SV2C: variants seen among roughly 807,000 people sequenced by gnomAD.
SV2C encodes solute carrier family 22 member B3.
In SV2C, 49 loss-of-function variants were observed where a neutral mutation model predicts 79.7. The observed-to-expected ratio is 0.61, with a 90% CI of 0.49 to 0.78. The LOEUF is 0.78. SV2C is among the 30% of genes least tolerant of loss of function. The pLI, the probability that SV2C is intolerant of heterozygous loss-of-function variation, is 0.00. For missense variants in SV2C, 833 were observed against 912.9 expected (o/e 0.91, Z 1.13); for synonymous variants, 334 against 333.2 (o/e 1.00, Z -0.03).
chr5:76,175,892 C>A (rs1553325), intron 2 of SV2C, among the ~76,000 whole-genome samples: 1 of 151,842 alleles, frequency 6.6e-6, no homozygotes, highest in South Asian at 2.1e-4. Context: ...TGACAGCCCC[C>A]ACTGCACTCT....
At chr5:76,301,325 G>C (rs918949026) in intron 11 of SV2C, 61 bp from the exon 12 acceptor site, 1 of 1,596,566 alleles carries the variant, frequency 6.3e-7, no homozygotes, top group Non-Finnish European at 8.5e-7. Flanking sequence ...AAGGACCCAA[G>C]GGTTCTTGCT....
the SV2C span, among the ~76,000 whole-genome samples, chr5:75,906,414 C>T: frequency 1.3e-5 from 2 of 150,024 alleles, no homozygotes; most frequent in Admixed American, 6.6e-5. Flanking sequence ...CAAGGATGGG[C>T]AGGAGGTTTT....
the SV2C span, among the ~76,000 whole-genome samples, chr5:75,864,563 G>C: frequency 6.6e-6 from 1 of 152,104 alleles, no homozygotes; most frequent in Non-Finnish European, 1.5e-5. Context: ...AGGACATCTG[G>C]GTAGATGTCC....
chr5:76,085,009 C>T (rs1747132965), intron 1 of SV2C, among the ~76,000 whole-genome samples: 1 of 152,222 alleles, frequency 6.6e-6, no homozygotes, highest in South Asian at 2.1e-4. Flanking sequence ...GAGATGAGAC[C>T]GGGATGCCGT....
At chr5:76,065,039 G>A in the SV2C span, among the ~76,000 whole-genome samples, 1 of 152,106 alleles carries the variant, frequency 6.6e-6, no homozygotes, top group Non-Finnish European at 1.5e-5. Context: ...GTTGTTGATA[G>A]GCTTATTTAA....
rs374122953 is a variant in SV2C at position 76,215,089 on chromosome 5, G to A, written c.913+5202G>A. On this transcript the variant is annotated intron_variant, in intron 4 of 12. Transcript: ENST00000502798. ...TGACAAGAGTCTTCCTAGTCTTAGA[G>A]GGAAAGCTTTTAGATTTTCACCATC... Among the ~76,000 whole-genome samples the A allele has an allele frequency of 7.0e-4, 107 of 152,276 alleles. 2 individuals carry two copies. The South Asian group carries it at 0.021, about 30-fold the overall frequency.
chr5:75,954,807 G>A, the SV2C span, among the ~76,000 whole-genome samples: 1 of 146,564 alleles, frequency 6.8e-6, no homozygotes, highest in Non-Finnish European at 1.5e-5. Context: ...GCTTCAAAGA[G>A]AATAAAATAC....
At chr5:76,152,889 C>T (rs1160657157) in intron 2 of SV2C, among the ~76,000 whole-genome samples, 1 of 152,212 alleles carries the variant, frequency 6.6e-6, no homozygotes, top group East Asian at 1.9e-4. Flanking sequence ...CTGCACATCA[C>T]ATGGTGTGTG....
the SV2C span, among the ~76,000 whole-genome samples, chr5:75,970,090 A>G: frequency 6.6e-6 from 1 of 152,150 alleles, no homozygotes; most frequent in East Asian, 1.9e-4. Flanking sequence ...ACATAACAAA[A>G]TGAAGGCAGA....
the SV2C span, among the ~76,000 whole-genome samples, chr5:75,943,246 ATAAAT>A: frequency 6.6e-6 from 1 of 152,214 alleles, no homozygotes; most frequent in African/African-American, 2.4e-5. Context: ...TGGAAGAGAA[ATAAAT>A]TAGATACTGT....
chr5:76,274,932 T>C (rs1289394056), intron 4 of SV2C, among the ~76,000 whole-genome samples: 3 of 152,160 alleles, frequency 2.0e-5, no homozygotes, highest in African/African-American at 7.2e-5. Flanking sequence ...CTGATCATTG[T>C]CCTCTTCCTA....
chr5:76,072,418 T>A, the SV2C span, among the ~76,000 whole-genome samples: 1 of 152,194 alleles, frequency 6.6e-6, no homozygotes, highest in Non-Finnish European at 1.5e-5. Context: ...GAAATGGAAT[T>A]ATTTATAATG....
intron 12 of SV2C, among the ~76,000 whole-genome samples, chr5:76,345,828 T>C (rs779734009): frequency 1.8e-4 from 27 of 152,148 alleles, no homozygotes; most frequent in Non-Finnish European, 3.7e-4. Context: ...TGACATCACA[T>C]AGCTAGTCAA....
the SV2C span, among the ~76,000 whole-genome samples, chr5:75,928,488 G>A: frequency 5.9e-5 from 9 of 152,264 alleles, no homozygotes; most frequent in African/African-American, 2.2e-4. Context: ...TAAACTTGTG[G>A]TCCCTGGACT....
At chr5:76,121,433 A>C (rs1748493622) in intron 1 of SV2C, among the ~76,000 whole-genome samples, 1 of 151,360 alleles carries the variant, frequency 6.6e-6, no homozygotes, top group East Asian at 1.9e-4. Context: ...TTAGACATGA[A>C]GTCCTTGCCC....
the SV2C span, among the ~76,000 whole-genome samples, chr5:76,036,979 C>T: frequency 7.6e-4 from 115 of 152,284 alleles, no homozygotes; most frequent in Middle Eastern, 6.8e-3. Context: ...TCCCTTCTTG[C>T]TTCATTTCAT....
intron 4 of SV2C, chr5:76,280,872 T>G (rs1286599087): frequency 2.2e-6 from 1 of 452,518 alleles, no homozygotes; most frequent in Non-Finnish European, 4.4e-6. Context: ...ATTCAGTTGT[T>G]CTGACCCAAG....
At chr5:76,176,943 G>A (rs1212224175) in intron 2 of SV2C, among the ~76,000 whole-genome samples, 5 of 151,900 alleles carry the variant, frequency 3.3e-5, no homozygotes, top group South Asian at 2.1e-4. Flanking sequence ...ATGAAACCCC[G>A]TCTCTACTAA....
At chr5:76,339,168 G>A (rs1749389021) in intron 12 of SV2C, among the ~76,000 whole-genome samples, 3 of 151,866 alleles carry the variant, frequency 2.0e-5, no homozygotes, top group Admixed American at 2.0e-4. Context: ...TGAGAAAAGA[G>A]GTCCTCACAA....
Sources: gnomAD v4.1 joint callset for allele counts (sites outside exome capture counted in the v4.1 genomes callset) on GRCh38, gnomAD v4.1.1 for gene constraint, MANE v1.5 for transcripts, NCBI Gene and HGNC (gene_info 2026-07-23, HGNC 2026-07-21) for gene names.